The following PRRC2B variants were observed in gnomAD, a reference collection of about 807,000 sequenced individuals.
PRRC2B encodes protein PRRC2B.
PRRC2B carries 68 observed loss-of-function variants against 242.3 expected under a neutral mutation model. That is an observed-to-expected ratio of 0.28 (90% confidence interval 0.23 to 0.34). PRRC2B has a LOEUF of 0.34. Among genes scored for constraint, PRRC2B ranks in the 10% least tolerant of loss-of-function variants. The probability of loss-of-function intolerance (pLI) is 1.00; values close to 1 mark genes in which losing one functional copy is unlikely to be tolerated. For missense variants in PRRC2B, 2,835 were observed against 2,954.8 expected (o/e 0.96, Z 0.94); for synonymous variants, 1,228 against 1,173.6 (o/e 1.05, Z -0.95).
chr9:131,444,066 A>G, intron 5 of PRRC2B, 119 bp from the exon 6 acceptor site: 3 of 1,157,490 alleles, frequency 2.6e-6, no homozygotes, highest in Non-Finnish European at 3.7e-6. Context: ...CACCCTTGTG[A>G]CAAGACTCCC....
Position 131,487,342 on chromosome 9 carries a change from C to G in PRRC2B, c.5984+48C>G. 1.4e-6 allele frequency: 2 copies of G among 1,450,672 alleles called. No homozygotes were observed. Among genetic ancestry groups the G allele is most frequent in the South Asian group, 2.5e-5 (2 of 78,614 alleles). The allele number at this position is 1,450,672 out of a possible 1,614,324, so 89.9% of individuals were successfully genotyped here. On this transcript the variant is annotated intron_variant, in intron 27 of 31. Coordinates refer to ENST00000683519, the MANE Select transcript of PRRC2B (RefSeq NM_013318.4). This position sits in a 1 kb window ranked among gnomAD's most constrained non-coding sequence, Gnocchi z 5.3. ...GGAGCTGGCAGCTCACAGCCAGGGC[C>G]TTGGCCCTGTGTGCAGCCTTCGTCC...
rs558036228 is a variant in PRRC2B at position 131,489,184 on chromosome 9, C to CTTTT, written c.6225+1103_6225+1106dup. On this transcript the variant is annotated intron_variant, in intron 28 of 31. Coordinates refer to ENST00000683519, the MANE Select transcript of PRRC2B (RefSeq NM_013318.4). ...CCTCTAGTGACCCAACTCCAAAATT[C>CTTTT]TTTTTTTTTTTTTTTTTTGAGATGG... 1.8e-3 allele frequency among the ~76,000 whole-genome samples: 243 copies of CTTTT among 131,624 alleles called. 2 individuals are homozygous for CTTTT. Among genetic ancestry groups the CTTTT allele is most frequent in the African/African-American group, 6.9e-3 (237 of 34,446 alleles). 86.4% of individuals were successfully genotyped at this position (131,624 alleles called of 152,430 possible). A position where few individuals can be genotyped will look rare whatever the true frequency, so the allele number is the denominator to read the frequency against.
intron 14 of PRRC2B, among the ~76,000 whole-genome samples, chr9:131,471,984 T>G (rs1453578566): frequency 6.6e-6 from 1 of 152,364 alleles, no homozygotes; most frequent in East Asian, 1.9e-4. Context: ...TGGGAGCCTG[T>G]CAGTTTTTGC....
In PRRC2B at chr9:131,481,868, C is replaced by T. The variant is rs1943880734; in HGVS notation, c.4983+60C>T. ...GATGAGTGTGTGAGTGTGTGCTCACCATCCACACGGCCAGCTTGCTGTGGC... is the reference window on the plus strand; with the variant it reads ...GATGAGTGTGTGAGTGTGTGCTCACTATCCACACGGCCAGCTTGCTGTGGC... On this transcript the variant is annotated intron_variant, in intron 20 of 31. Coordinates refer to ENST00000683519, the MANE Select transcript of PRRC2B (RefSeq NM_013318.4). 4 of 1,425,976 alleles carry T rather than the reference C, an allele frequency of 2.8e-6. No homozygotes were observed. In the South Asian group the frequency reaches 4.9e-5, roughly 17 times the overall value. The allele number at this position is 1,425,976 out of a possible 1,614,324, so 88.3% of individuals were successfully genotyped here. A position where few individuals can be genotyped will look rare whatever the true frequency, so the allele number is the denominator to read the frequency against.
chr9:131,490,784 C>T lies in PRRC2B; in HGVS notation c.6226-641C>T, dbSNP rs1157552825. 2.5e-5 allele frequency: 9 copies of T among 360,934 alleles called. No individual in the cohort carries two copies. In the East Asian group the frequency reaches 2.9e-4, roughly 12 times the overall value. The allele number at this position is 360,934 out of a possible 1,614,324, so 22.4% of individuals were successfully genotyped here. On this transcript the variant is annotated intron_variant, in intron 28 of 31. Coordinates refer to ENST00000683519, the MANE Select transcript of PRRC2B (RefSeq NM_013318.4). Reference sequence around the variant, plus strand: ...GATGCAAAACAGTAAGAGTCTTGAACGTGTGTGCTGTACAAAGGAATGCAG... The same window carrying T: ...GATGCAAAACAGTAAGAGTCTTGAATGTGTGTGCTGTACAAAGGAATGCAG...
At chr9:131,388,460 G>C (rs1373426858) in intron 1 of PRRC2B, among the ~76,000 whole-genome samples, 1 of 149,526 alleles carries the variant, frequency 6.7e-6, no homozygotes, top group Non-Finnish European at 1.5e-5. Context: ...GGCTGGTCTT[G>C]AACTCCCAAC....
chr9:131,432,869 C>T (rs1454628773), intron 3 of PRRC2B, 75 bp downstream of exon 3: 2 of 1,467,084 alleles, frequency 1.4e-6, no homozygotes, highest in East Asian at 4.6e-5. Flanking sequence ...CTGTGGCAAA[C>T]TAACCCTAAC....
At chr9:131,430,056 C>CTT in intron 1 of PRRC2B, 38 bp from the exon 2 acceptor site, 1 of 615,026 alleles carries the variant, frequency 1.6e-6, no homozygotes, top group Non-Finnish European at 2.8e-6. Flanking sequence ...TTTTTTTTCT[C>CTT]TCTCTTTTTT....
At chr9:131,418,374 T>C (rs1156551155) in intron 1 of PRRC2B, among the ~76,000 whole-genome samples, 1 of 152,260 alleles carries the variant, frequency 6.6e-6, no homozygotes, top group Admixed American at 6.5e-5. Flanking sequence ...AGAGAGTGTT[T>C]ACCTAGAGGT....
intron 1 of PRRC2B, among the ~76,000 whole-genome samples, chr9:131,429,134 A>G (rs932831788): frequency 1.3e-5 from 2 of 152,144 alleles, no homozygotes; most frequent in Non-Finnish European, 2.9e-5. Flanking sequence ...TTCAGTAGAG[A>G]CAGGGTTTCG....
At chr9:131,491,220 C>A in intron 28 of PRRC2B, 1 of 516,842 alleles carries the variant, frequency 1.9e-6, no homozygotes, top group African/African-American at 2.0e-5. Flanking sequence ...AGCAAGAAGA[C>A]GTGCCTCTGC....
At chr9:131,430,717 C>T (rs954581705) in intron 2 of PRRC2B, among the ~76,000 whole-genome samples, 9 of 151,316 alleles carry the variant, frequency 5.9e-5, no homozygotes, top group South Asian at 2.1e-4. Context: ...CTCAGCCTCC[C>T]GAGTAGCAAG....
At chr9:131,399,585 AAG>A (rs1217177143) in intron 1 of PRRC2B, among the ~76,000 whole-genome samples, 2 of 152,190 alleles carry the variant, frequency 1.3e-5, no homozygotes, top group African/African-American at 4.8e-5. Context: ...TCTGAAAAAA[AAG>A]GAAAATACTG....
At chr9:131,465,143 G>A in intron 12 of PRRC2B, 65 bp downstream of exon 12, 4 of 1,455,938 alleles carry the variant, frequency 2.7e-6, no homozygotes, top group Non-Finnish European at 3.7e-6. Flanking sequence ...CTTGTTACTT[G>A]CAACTGCCTT....
intron 15 of PRRC2B, 29 bp from the exon 16 acceptor site, chr9:131,474,425 A>G: frequency 6.3e-7 from 1 of 1,578,710 alleles, no homozygotes; most frequent in East Asian, 2.3e-5. Context: ...CTCCAATCGC[A>G]TTGACTGATT....
In PRRC2B at chr9:131,431,007, A is replaced by G. The variant is rs1018514049; in HGVS notation, c.115+748A>G. ...CTCTTATTGCCCATGCTGGAGTGCA[A>G]TGGCGTGATCTCAGCTCAGTGCAAC... On this transcript the variant is annotated intron_variant, in intron 2 of 31. Coordinates refer to ENST00000683519, the MANE Select transcript of PRRC2B (RefSeq NM_013318.4). Among the ~76,000 whole-genome samples the G allele has an allele frequency of 1.3e-3, 191 of 148,426 alleles. 1 individual carries two copies. The highest frequency in any genetic ancestry group is 4.2e-3 in the African/African-American group (167 of 40,136).
chr9:131,491,620 C>T (rs751902370), intron 29 of PRRC2B, 40 bp downstream of exon 29: 2 of 1,539,470 alleles, frequency 1.3e-6, no homozygotes, highest in East Asian at 2.3e-5. Context: ...AGGGAGGGGG[C>T]CTTGTGTCAC....
chr9:131,431,660 C>T (rs910776809), intron 2 of PRRC2B, among the ~76,000 whole-genome samples: 1 of 151,124 alleles, frequency 6.6e-6, no homozygotes, highest in African/African-American at 2.4e-5. Context: ...AATCTCGGCT[C>T]ACTGCAAGCT....
At chr9:131,381,202 G>C (rs754189429) in intron 1 of PRRC2B, among the ~76,000 whole-genome samples, 1 of 152,124 alleles carries the variant, frequency 6.6e-6, no homozygotes, top group African/African-American at 2.4e-5. Context: ...ATTCTCAAGC[G>C]GTTGAGCAGG....
Sources: gnomAD v4.1 joint callset for allele counts (sites outside exome capture counted in the v4.1 genomes callset) on GRCh38, gnomAD v4.1.1 for gene constraint, Gnocchi (gnomAD v3.1) non-coding constraint, MANE v1.5 for transcripts, NCBI Gene and HGNC (gene_info 2026-07-23, HGNC 2026-07-21) for gene names.